The following DKKL1 variants were observed in gnomAD, a reference collection of about 807,000 sequenced individuals.
The protein encoded by DKKL1 is dickkopf-like protein 1.
A neutral mutation model predicts 16.5 loss-of-function variants in DKKL1; 11 were observed. The observed-to-expected ratio is 0.67, with a 90% confidence interval of 0.42 to 1.10. The LOEUF is 1.10. DKKL1 is among the 50% of genes least tolerant of loss of function. The pLI, the probability that DKKL1 is intolerant of heterozygous loss-of-function variation, is 0.00. For missense variants in DKKL1, 320 were observed against 308.1 expected, an observed-to-expected ratio of 1.04 and a Z score of -0.29; for synonymous variants, 119 against 133.2, an observed-to-expected ratio of 0.89 and a Z score of 0.73.
intron 4 of DKKL1, among the ~76,000 whole-genome samples, chr19:49,373,616 C>T (rs1213327852): frequency 6.6e-6 from 1 of 151,884 alleles, no homozygotes; most frequent in African/African-American, 2.4e-5. Flanking sequence ...ATTACATGAG[C>T]GCGCCAGCAC....
At chr19:49,372,845 T>C (rs530904027) in intron 4 of DKKL1, among the ~76,000 whole-genome samples, 2 of 146,636 alleles carry the variant, frequency 1.4e-5, no homozygotes, top group Admixed American at 1.4e-4. Context: ...CTACTAAAAA[T>C]ACAAAATTAG....
At chr19:49,370,867 G>A (rs1305178062) in intron 4 of DKKL1, 1 of 152,208 alleles carries the variant, frequency 6.6e-6, no homozygotes, top group Non-Finnish European at 1.5e-5. Context: ...AAAATGAGAT[G>A]CCAAGAAAAA....
upstream of DKKL1, among the ~76,000 whole-genome samples, chr19:49,360,794 C>T (rs112770107): frequency 0.32 from 15,995 of 49,338 alleles, 2,450 homozygotes; most frequent in African/African-American, 0.35. Flanking sequence ...GGACAGAGAC[C>T]AGCAAGGGGG....
intron 4 of DKKL1, chr19:49,369,110 T>C (rs1172231097): frequency 6.6e-6 from 1 of 152,248 alleles, no homozygotes; most frequent in Non-Finnish European, 1.5e-5. Flanking sequence ...TCTTTGTTCA[T>C]TGTGCTCTCC....
upstream of DKKL1, among the ~76,000 whole-genome samples, chr19:49,362,919 G>GTTGTTGTTTTTTTTTTT (rs1568588572): frequency 7.7e-6 from 1 of 130,258 alleles, no homozygotes; most frequent in Non-Finnish European, 1.6e-5. Flanking sequence ...TGGTTTTTTT[G>GTTGTTGTTTTTTTTTTT]TTTTTTGTTT....
At chr19:49,364,879 A>C (rs1973190833) in intron 2 of DKKL1, 125 bp downstream of exon 2, 1 of 1,228,926 alleles carries the variant, frequency 8.1e-7, no homozygotes, top group Non-Finnish European at 1.1e-6. Context: ...AGACCAAGAG[A>C]TAGGAAGAGG....
chr19:49,366,692 TTTTTTTTGTTTGTTTTTTTGG>T (rs1973261320), intron 4 of DKKL1, among the ~76,000 whole-genome samples: 1 of 143,766 alleles, frequency 7.0e-6, no homozygotes, highest in African/African-American at 2.6e-5. Flanking sequence ...ATTTTTGGGG[TTTTTTTTGTTTGTTTTTTTGG>T]TTTTTTTTTT....
At chr19:49,371,117 C>G (rs549950813) in intron 4 of DKKL1, 17 of 152,368 alleles carry the variant, frequency 1.1e-4, no homozygotes, top group Non-Finnish European at 2.2e-4. Context: ...CTCCCAGCAC[C>G]TGCAGAAAAA....
At chr19:49,369,337 T>C (rs928272699) in intron 4 of DKKL1, 1 of 152,090 alleles carries the variant, frequency 6.6e-6, no homozygotes, top group Non-Finnish European at 1.5e-5. Context: ...TTGTTTGTTT[T>C]TTGTTTTTTG....
intron 1 of DKKL1, 147 bp downstream of exon 1, chr19:49,364,155 G>A (rs1244691175): frequency 3.6e-6 from 4 of 1,103,750 alleles, no homozygotes; most frequent in Non-Finnish European, 5.2e-6. Context: ...TTCGAGACCA[G>A]CCTGGGCAAT....
At chr19:49,360,946 G>A (rs371953667), upstream of DKKL1, among the ~76,000 whole-genome samples, 2 of 117,730 alleles carry the variant, frequency 1.7e-5, no homozygotes, top group African/African-American at 3.3e-5. Flanking sequence ...TGAAGGGGGG[G>A]ACAGAGACCA....
At chr19:49,371,980 T>C (rs1973509739) in intron 4 of DKKL1, among the ~76,000 whole-genome samples, 1 of 152,214 alleles carries the variant, frequency 6.6e-6, no homozygotes, top group Non-Finnish European at 1.5e-5. Context: ...TAGTATTCCA[T>C]GGTGTATATG....
At position 49,364,704 on chromosome 19, in the gene DKKL1, C is replaced by T. The variant is rs750312885; in HGVS notation, c.133C>T (p.Leu45Phe). 4 of 1,614,066 alleles carry T rather than the reference C, an allele frequency of 2.5e-6. No homozygotes were observed. In the African/African-American group the frequency reaches 5.3e-5, roughly 22 times the overall value. ...DADAQESSLGLTGLQSLLQGF... is the reference protein window; with the variant it reads ...DADAQESSLGFTGLQSLLQGF... The stretch of plus-strand genomic sequence containing the variant: ...TGACGCCCAAGAGAGCTCCTTGGGT[C>T]TCACAGGCCTCCAGAGCCTACTCCA... Residue 45 changes from leucine to phenylalanine, a missense_variant, in exon 2 of 5, where the codon CTC (leucine) becomes TTC (phenylalanine). Coordinates refer to ENST00000221498, the MANE Select transcript of DKKL1 (RefSeq NM_014419.4).
At chr19:49,364,400 G>C (rs933067655) in intron 1 of DKKL1, among the ~76,000 whole-genome samples, 182 bp from the exon 2 acceptor site, 3 of 152,036 alleles carry the variant, frequency 2.0e-5, no homozygotes, top group Admixed American at 6.6e-5. Flanking sequence ...GCCAGACCTG[G>C]GAGAAGACGG....
At position 49,364,003 on chromosome 19, in the gene DKKL1, G is replaced by A. The variant is rs1568590316; in HGVS notation, c.5G>A (p.Gly2Glu). 5.0e-6 allele frequency: 8 copies of A among 1,613,486 alleles called. No homozygotes were observed. Among genetic ancestry groups the A allele is most frequent in the Non-Finnish European group, 6.8e-6 (8 of 1,179,700 alleles). M[G>E]EASPPAPARR... Reference sequence around the variant, plus strand: ...GCCCAGAAGAAGGGGCGGGGTATGGGAGAAGGTGAGGATTGAGATCTGGTG... The same window carrying A: ...GCCCAGAAGAAGGGGCGGGGTATGGAAGAAGGTGAGGATTGAGATCTGGTG... The change falls in exon 1 of 5, where the codon GGA becomes GAA. Residue 2 changes from glycine (G) to glutamate (E), a missense_variant. Gly to Glu is a moderately conservative substitution (Grantham distance 98). Transcript: ENST00000221498.
At chr19:49,366,150 T>G (rs1212552635) in intron 4 of DKKL1, among the ~76,000 whole-genome samples, 1 of 152,128 alleles carries the variant, frequency 6.6e-6, no homozygotes, top group Non-Finnish European at 1.5e-5. Flanking sequence ...AGGCTGGTCT[T>G]GAACTCCTGA....
upstream of DKKL1, among the ~76,000 whole-genome samples, chr19:49,360,624 G>A (rs957384891): frequency 6.6e-6 from 1 of 151,912 alleles, no homozygotes; most frequent in African/African-American, 2.4e-5. Context: ...GAAGGAAGGT[G>A]TGGGTGAAAC....
At chr19:49,361,155 C>T (rs1284286820), upstream of DKKL1, among the ~76,000 whole-genome samples, 2 of 45,852 alleles carry the variant, frequency 4.4e-5, no homozygotes, top group African/African-American at 9.7e-5. Flanking sequence ...GGACAGAGAC[C>T]GGGGGGGGGG....
chr19:49,362,690 G>T (rs911914745), upstream of DKKL1, among the ~76,000 whole-genome samples: 1 of 151,664 alleles, frequency 6.6e-6, no homozygotes, highest in Non-Finnish European at 1.5e-5. Context: ...AGAGGCTGGG[G>T]GCTGGGACTC....
Sources: gnomAD v4.1 joint callset for allele counts (sites outside exome capture counted in the v4.1 genomes callset) on GRCh38, gnomAD v4.1.1 for gene constraint, MANE v1.5 for transcripts, NCBI Gene and HGNC (gene_info 2026-07-23, HGNC 2026-07-21) for gene names.